SAMD4A: variants seen among roughly 807,000 people sequenced by gnomAD.
SAMD4A encodes the protein sterile alpha motif domain containing 4A, also known as protein Smaug homolog 1.
SAMD4A carries 33 observed loss-of-function variants against 81.3 expected under a neutral mutation model. The observed-to-expected ratio is 0.41, with a 90% CI of 0.31 to 0.54. The LOEUF is 0.54. SAMD4A is among the 20% of genes least tolerant of loss of function. SAMD4A has a pLI of 0.37. For missense variants in SAMD4A, 854 were observed against 951.1 expected, an observed-to-expected ratio of 0.90 and a Z score of 1.34; for synonymous variants, 389 against 382.1, an observed-to-expected ratio of 1.02 and a Z score of -0.21.
intron 2 of SAMD4A, among the ~76,000 whole-genome samples, chr14:54,586,896 G>T (rs2033637819): frequency 6.6e-6 from 1 of 152,000 alleles, no homozygotes; most frequent in Non-Finnish European, 1.5e-5. Flanking sequence ...GCTTAGTTTT[G>T]CTTTGGCTAT....
chr14:54,647,437 C>A (rs1463411264), intron 2 of SAMD4A, among the ~76,000 whole-genome samples: 2 of 152,186 alleles, frequency 1.3e-5, no homozygotes, highest in Non-Finnish European at 2.9e-5. Flanking sequence ...TAACTGCTTC[C>A]CCACTATGTT....
chr14:54,747,440 T>C (rs1197732271), intron 4 of SAMD4A, among the ~76,000 whole-genome samples: 5 of 152,242 alleles, frequency 3.3e-5, no homozygotes, highest in African/African-American at 1.2e-4. Context: ...GATTTCAGAA[T>C]AGTCCAGGCC....
chr14:54,569,315 A>G (rs115542650), intron 2 of SAMD4A, among the ~76,000 whole-genome samples: 123 of 152,312 alleles, frequency 8.1e-4, no homozygotes, highest in African/African-American at 2.9e-3. Flanking sequence ...CCTCCCTAGT[A>G]TGGTGTGCAC....
chr14:54,737,276 G>A lies in SAMD4A; in HGVS notation c.968G>A (p.Ser323Asn). 1 of 1,614,168 alleles carries A rather than the reference G, an allele frequency of 6.2e-7. No homozygotes were observed. Among genetic ancestry groups the A allele is most frequent in the Non-Finnish European group, 8.5e-7 (1 of 1,180,028 alleles). Residue 323 changes from serine to asparagine, a missense_variant, in exon 4 of 13, where the codon AGT becomes AAT. Coordinates refer to ENST00000554335, the MANE Select transcript of SAMD4A (RefSeq NM_015589.6). The stretch of plus-strand genomic sequence containing the variant: ...CGTAACACATTCCAAGAAGAAGGTA[G>A]TGGGATGAAAGGTGAGTGACTAAAT... ...TARNTFQEEGSGMKDVPAWLK... is the reference protein window; with the variant it reads ...TARNTFQEEGNGMKDVPAWLK...
chr14:54,656,047 A>G (rs1038176322), intron 2 of SAMD4A, among the ~76,000 whole-genome samples: 1 of 152,206 alleles, frequency 6.6e-6, no homozygotes, highest in African/African-American at 2.4e-5. Flanking sequence ...ATTAACATGT[A>G]ATGTTAAATA....
intron 9 of SAMD4A, among the ~76,000 whole-genome samples, chr14:54,772,813 A>AAAAAC (rs1222433053): frequency 2.8e-5 from 4 of 140,654 alleles, no homozygotes; most frequent in African/African-American, 9.9e-5. Flanking sequence ...TTTCGTCATT[A>AAAAAC]AAAACAAACA....
chr14:54,641,197 G>T (rs551298603), intron 2 of SAMD4A, among the ~76,000 whole-genome samples: 1 of 152,156 alleles, frequency 6.6e-6, no homozygotes, highest in Non-Finnish European at 1.5e-5. Context: ...ACCTCTCAGG[G>T]CTATTGTCAG....
intron 3 of SAMD4A, among the ~76,000 whole-genome samples, chr14:54,711,519 T>TG (rs1486429465): frequency 7.2e-5 from 11 of 152,172 alleles, no homozygotes; most frequent in Non-Finnish European, 1.3e-4. Context: ...GATGTCACCT[T>TG]GGGGGAAGCT....
intron 2 of SAMD4A, among the ~76,000 whole-genome samples, chr14:54,642,439 A>G (rs867290706): frequency 3.9e-5 from 6 of 152,302 alleles, no homozygotes; most frequent in Non-Finnish European, 7.4e-5. Flanking sequence ...GCTGCTCTCA[A>G]GTTGGTCTGG....
intron 7 of SAMD4A, among the ~76,000 whole-genome samples, chr14:54,762,732 G>T (rs958314299): frequency 6.6e-6 from 1 of 152,130 alleles, no homozygotes; most frequent in Non-Finnish European, 1.5e-5. Flanking sequence ...CAACATGGTG[G>T]AAAGTGGAAA....
chr14:54,607,141 T>C (rs1245259048), intron 2 of SAMD4A, among the ~76,000 whole-genome samples: 1 of 152,070 alleles, frequency 6.6e-6, no homozygotes, highest in African/African-American at 2.4e-5. Context: ...ACAGCTGAGG[T>C]CAGAGAATGG....
chr14:54,588,183 A>G (rs1032317918), intron 2 of SAMD4A, among the ~76,000 whole-genome samples: 1 of 152,078 alleles, frequency 6.6e-6, no homozygotes, highest in African/African-American at 2.4e-5. Flanking sequence ...AAAGGTGTTC[A>G]TAACCTTGAA....
chr14:54,607,136 T>C (rs2034229308), intron 2 of SAMD4A, among the ~76,000 whole-genome samples: 2 of 152,238 alleles, frequency 1.3e-5, no homozygotes, highest in Middle Eastern at 3.4e-3. Flanking sequence ...GGAATACAGC[T>C]GAGGTCAGAG....
intron 5 of SAMD4A, among the ~76,000 whole-genome samples, chr14:54,750,486 G>A (rs2038075506): frequency 1.3e-5 from 2 of 152,076 alleles, no homozygotes. Context: ...AAATCCTTAG[G>A]CTCACCATTG....
In SAMD4A at chr14:54,671,813, G is replaced by C. The variant is rs577647687; in HGVS notation, c.197-30249G>C. ...AAAGCTTGGATTATCAGGGCTCAAC[G>C]CATAGGCCTGAATTGACACCTCAGG... is the stretch of plus-strand genomic sequence containing the variant. On this transcript the variant is annotated intron_variant, in intron 2 of 12. Transcript: ENST00000554335. Among the ~76,000 whole-genome samples the C allele has an allele frequency of 3.9e-5, 6 of 152,266 alleles. No individual in the cohort carries two copies. The South Asian group carries it at 1.0e-3, about 26-fold the overall frequency.
At chr14:54,688,199 G>A in intron 2 of SAMD4A, 1 of 985,440 alleles carries the variant, frequency 1.0e-6, no homozygotes. Context: ...CTCTAATCAA[G>A]AGAATTTTGC....
upstream of SAMD4A, among the ~76,000 whole-genome samples, chr14:54,566,769 A>ACG (rs1413496337): frequency 6.6e-6 from 1 of 151,848 alleles, no homozygotes; most frequent in Admixed American, 6.6e-5. Context: ...ACACACGCAC[A>ACG]CGCGCGCGCA....
chr14:54,726,256 A>C (rs2037413004), intron 3 of SAMD4A, among the ~76,000 whole-genome samples: 1 of 152,160 alleles, frequency 6.6e-6, no homozygotes, highest in African/African-American at 2.4e-5. Context: ...GACCACAACA[A>C]GAGGCAAGCA....
At chr14:54,670,460 T>C (rs2035856049) in intron 2 of SAMD4A, among the ~76,000 whole-genome samples, 1 of 152,214 alleles carries the variant, frequency 6.6e-6, no homozygotes, top group Non-Finnish European at 1.5e-5. Flanking sequence ...CATTGCTGTG[T>C]AGAGGACGGA....
Sources: allele counts gnomAD v4.1 joint callset (sites outside exome capture counted in the v4.1 genomes callset), GRCh38; gene constraint gnomAD v4.1.1; transcripts MANE v1.5; gene names NCBI Gene and HGNC (gene_info 2026-07-23, HGNC 2026-07-21).